STON2: variants seen among roughly 807,000 people sequenced by gnomAD.
STON2 encodes stonin-2.
In STON2, 29 loss-of-function variants were observed where a neutral mutation model predicts 65.7. The ratio of observed to expected loss-of-function variants is 0.44; its 90% confidence interval spans 0.33 to 0.60. The LOEUF is 0.60. Ranked by LOEUF, STON2 falls within the 20% of genes least tolerant of loss-of-function variation. The pLI is 0.03. For missense variants in STON2, 1,054 were observed against 1,118.1 expected (o/e 0.94, Z 0.82); for synonymous variants, 404 against 414.2 (o/e 0.98, Z 0.30).
At chr14:81,310,558 C>T (rs1896384203) in intron 5 of STON2, among the ~76,000 whole-genome samples, 1 of 152,176 alleles carries the variant, frequency 6.6e-6, no homozygotes, top group Admixed American at 6.5e-5. Flanking sequence ...CTCCAAATAG[C>T]TGAGTATCCA....
At position 81,277,746 on chromosome 14, in the gene STON2, G is replaced by A. The variant is rs1461456817; in HGVS notation, c.1736C>T (p.Ala579Val). Residue 579 changes from alanine (A) to valine (V), a missense_variant, in exon 6 of 8, where the codon GCA becomes GTA. Physicochemically the swap from Ala to Val is moderately conservative, Grantham distance 64 (BLOSUM62 0). Transcript: ENST00000614646. ...CAGCTTAATCACCTGTTCCCTCTCTGCTGTGTGGGCCACAGCAGGTTTGGG... is the reference window on the plus strand; with the variant it reads ...CAGCTTAATCACCTGTTCCCTCTCTACTGTGTGGGCCACAGCAGGTTTGGG... The part of the protein sequence containing the change: ...YQPKPAVAHT[A>V]EREQVIKLGT... 6.2e-7 allele frequency: 1 copy of A among 1,614,136 alleles called. No homozygotes were observed. The highest frequency in any genetic ancestry group is 1.1e-5 in the South Asian group (1 of 91,088).
At chr14:81,331,479 G>C (rs749460874) in intron 4 of STON2, among the ~76,000 whole-genome samples, 1 of 152,142 alleles carries the variant, frequency 6.6e-6, no homozygotes, top group Non-Finnish European at 1.5e-5. Context: ...ACTTCTGCAG[G>C]ACCACAGTTC....
Position 81,395,893 on chromosome 14 carries a change from C to G in STON2, c.373+1G>C. On this transcript the variant is annotated splice_donor_variant, in intron 3 of 7. Transcript: ENST00000614646. LOFTEE classifies it high-confidence loss of function. ...AAGCCGGGCCCTTCCTACCTCCTCA[C>G]CTGTCTCAGCTGTTTCCTGATGAGG... The G allele has an allele frequency of 6.2e-7, 1 of 1,614,064 alleles. No individual in the cohort carries two copies. The highest frequency in any genetic ancestry group is 1.1e-5 in the South Asian group (1 of 91,072).
intron 3 of STON2, among the ~76,000 whole-genome samples, chr14:81,382,551 G>A (rs1468370631): frequency 6.6e-6 from 1 of 152,168 alleles, no homozygotes; most frequent in Non-Finnish European, 1.5e-5. Context: ...ACAGAGGGGA[G>A]GGAAGGGGAT....
At chr14:81,417,045 C>T (rs1050150516) in intron 2 of STON2, among the ~76,000 whole-genome samples, 6 of 152,126 alleles carry the variant, frequency 3.9e-5, no homozygotes, top group African/African-American at 1.4e-4. Flanking sequence ...CTATTTCCCC[C>T]TTCCTCTTTT....
At chr14:81,325,364 C>T (rs1249746258) in intron 4 of STON2, among the ~76,000 whole-genome samples, 6 of 152,088 alleles carry the variant, frequency 3.9e-5, no homozygotes, top group Admixed American at 6.5e-5. Context: ...CAGTGTGCCA[C>T]GTTTCCCTTC....
rs554508930 is a variant in STON2, at chr14:81,425,597, G to A, written c.-199+1505C>T. Reference sequence around the variant, plus strand: ...AAAAAAAAAAAAGTAGGGAAGATTGGTTAGTATCTTAGGGAAGAGTGAGAG... The same window carrying A: ...AAAAAAAAAAAAGTAGGGAAGATTGATTAGTATCTTAGGGAAGAGTGAGAG... On this transcript the variant is annotated intron_variant, in intron 2 of 8. Coordinates refer to the STON2 transcript ENST00000553821. Among the ~76,000 whole-genome samples the A allele has an allele frequency of 1.8e-4, 27 of 152,202 alleles. No homozygotes were observed. The South Asian group carries it at 5.0e-3, about 28-fold the overall frequency.
At chr14:81,409,251 G>T (rs542410413) in intron 2 of STON2, among the ~76,000 whole-genome samples, 5 of 151,710 alleles carry the variant, frequency 3.3e-5, no homozygotes, top group Admixed American at 3.3e-4. Flanking sequence ...CTAAAAATAC[G>T]AAAATTAGCC....
At position 81,279,411 on chromosome 14, in the gene STON2, C is replaced by T. The variant is rs185964991; in HGVS notation, c.743-672G>A. Among the ~76,000 whole-genome samples the T allele has an allele frequency of 3.4e-4, 52 of 152,208 alleles. No homozygotes were observed. The East Asian group carries it at 9.7e-3, about 28-fold the overall frequency. On this transcript the variant is annotated intron_variant, in intron 5 of 7. Coordinates refer to ENST00000614646, the MANE Select transcript of STON2 (RefSeq NM_001394390.1). ...ATCTCACTAGTAATAAGAAAAATGG[C>T]CGGGCACAGTGGCTCATGCCTGTAA...
intron 3 of STON2, among the ~76,000 whole-genome samples, chr14:81,373,973 AG>A (rs1393338364): frequency 6.9e-6 from 1 of 144,804 alleles, no homozygotes; most frequent in African/African-American, 2.5e-5. Flanking sequence ...TCATGTATCT[AG>A]GAAAAGCAAA....
intron 5 of STON2, 191 bp from the exon 6 acceptor site, chr14:81,278,930 C>T: frequency 2.3e-6 from 1 of 436,286 alleles, no homozygotes; most frequent in East Asian, 3.3e-5. Context: ...CCCAGAGGAG[C>T]TATCGCATTA....
Position 81,263,093 on chromosome 14 carries a change from A to T in STON2, c.*5321T>A. The T allele has an allele frequency of 3.0e-6, 3 of 985,286 alleles. No homozygotes were observed. The highest frequency in any genetic ancestry group is 3.6e-6 in the Non-Finnish European group (3 of 829,840). The allele number at this position is 985,286 out of a possible 1,614,324, so 61.0% of individuals were successfully genotyped here. On this transcript the variant is annotated 3_prime_UTR_variant, in exon 8 of 8. Transcript: ENST00000614646. The stretch of plus-strand genomic sequence containing the variant: ...TGTGAGACAGTGCATTTACCAAATG[A>T]TATTTTTTTGTGGATTTAATTTTTT...
chr14:81,426,486 C>T (rs770060862), intron 2 of STON2, among the ~76,000 whole-genome samples: 1 of 152,188 alleles, frequency 6.6e-6, no homozygotes, highest in Admixed American at 6.5e-5. Context: ...CACACAGATG[C>T]TTCCAGCCTT....
intron 3 of STON2, among the ~76,000 whole-genome samples, chr14:81,374,499 G>A (rs1355107037): frequency 6.6e-6 from 1 of 152,062 alleles, no homozygotes; most frequent in Admixed American, 6.5e-5. Context: ...GGGTGAACAG[G>A]CAGAATGAGA....
chr14:81,400,478 CAAA>C (rs5810028), upstream of STON2, among the ~76,000 whole-genome samples: 5 of 96,698 alleles, frequency 5.2e-5, no homozygotes, highest in South Asian at 1.2e-3. Flanking sequence ...CAGCACCCGT[CAAA>C]AAAAAAAAAA....
intron 5 of STON2, among the ~76,000 whole-genome samples, chr14:81,283,160 C>A (rs1317866810): frequency 1.3e-5 from 2 of 152,098 alleles, no homozygotes; most frequent in African/African-American, 2.4e-5. Context: ...TTTACTGATG[C>A]AAACTAAAGA....
chr14:81,353,451 G>A (rs1898101536), intron 4 of STON2, among the ~76,000 whole-genome samples: 1 of 152,242 alleles, frequency 6.6e-6, no homozygotes, highest in Non-Finnish European at 1.5e-5. Context: ...ACTATCCATA[G>A]ACAGGAACAC....
At chr14:81,295,350 T>C (rs987365999) in intron 5 of STON2, among the ~76,000 whole-genome samples, 2 of 151,904 alleles carry the variant, frequency 1.3e-5, no homozygotes, top group Non-Finnish European at 2.9e-5. Context: ...AGAAAAGAAA[T>C]AGAAGATTAT....
intron 5 of STON2, among the ~76,000 whole-genome samples, chr14:81,283,531 T>C (rs1366583036): frequency 1.4e-4 from 2 of 14,678 alleles, no homozygotes; most frequent in African/African-American, 3.5e-4. Context: ...AGATACTGCA[T>C]TTTTTTTTTT....
Sources: gnomAD v4.1 joint callset for allele counts (sites outside exome capture counted in the v4.1 genomes callset) on GRCh38, gnomAD v4.1.1 for gene constraint, MANE v1.5 for transcripts, NCBI Gene and HGNC (gene_info 2026-07-23, HGNC 2026-07-21) for gene names.